TMEM33: variants seen among roughly 807,000 people sequenced by gnomAD.
TMEM33 encodes transmembrane protein 33.
In TMEM33, 16 loss-of-function variants were observed where a neutral mutation model predicts 29.7. The observed-to-expected ratio is 0.54, with a 90% CI of 0.36 to 0.82. The LOEUF is 0.82. Ranked by LOEUF, TMEM33 falls within the 40% of genes least tolerant of loss-of-function variation. TMEM33 has a pLI of 0.00. For synonymous variants in TMEM33, 112 were observed against 109.4 expected, an observed-to-expected ratio of 1.02 and a Z score of -0.15; for missense variants, 252 against 295.3, an observed-to-expected ratio of 0.85 and a Z score of 1.08.
At chr4:41,945,609 T>G (rs1450059202) in intron 5 of TMEM33, among the ~76,000 whole-genome samples, 4 of 152,196 alleles carry the variant, frequency 2.6e-5, no homozygotes, top group African/African-American at 9.6e-5. Flanking sequence ...TATACAAATT[T>G]GTAGAACATA....
intron 1 of TMEM33, among the ~76,000 whole-genome samples, chr4:41,935,962 G>A (rs535547495): frequency 1.3e-5 from 2 of 152,324 alleles, no homozygotes; most frequent in Non-Finnish European, 2.9e-5. Flanking sequence ...TTATGCAAAG[G>A]GAGGAGAGCG....
chr4:41,950,909 C>T (rs137859148), intron 6 of TMEM33, among the ~76,000 whole-genome samples: 3 of 152,230 alleles, frequency 2.0e-5, no homozygotes, highest in African/African-American at 7.2e-5. Context: ...GAAAGGATAG[C>T]AGTGAATCAA....
rs1173136084 is a variant in TMEM33, at chr4:41,935,478, A to G, written c.-7A>G. 2 of 1,608,010 alleles carry G rather than the reference A, an allele frequency of 1.2e-6. No homozygotes were observed. Among genetic ancestry groups the G allele is most frequent in the South Asian group, 2.2e-5 (2 of 89,882 alleles). Reference sequence around the variant, plus strand: ...TTGCGGCGTCGCAGACGCTAGTGTGAGCCCCCATGGCAGATACGACCCCGA... The same window carrying G: ...TTGCGGCGTCGCAGACGCTAGTGTGGGCCCCCATGGCAGATACGACCCCGA... On this transcript the variant is annotated 5_prime_UTR_variant, in exon 1 of 7. Transcript: ENST00000504986.
chr4:41,943,630 A>AT, intron 3 of TMEM33, 117 bp from the exon 4 acceptor site: 1 of 837,988 alleles, frequency 1.2e-6, no homozygotes, highest in South Asian at 1.7e-5. Flanking sequence ...AAAACAAGCC[A>AT]TTCCACTGAA....
At chr4:41,953,376 C>G (rs988280054) in intron 6 of TMEM33, among the ~76,000 whole-genome samples, 2 of 152,238 alleles carry the variant, frequency 1.3e-5, no homozygotes, top group Admixed American at 1.3e-4. Flanking sequence ...CTACTGTAGT[C>G]TGCTAAGTGC....
At chr4:41,945,046 A>T in intron 5 of TMEM33, 120 bp downstream of exon 5, 1 of 1,265,624 alleles carries the variant, frequency 7.9e-7, no homozygotes, top group Non-Finnish European at 1.1e-6. Flanking sequence ...AGCTAAATGA[A>T]TCTTAGCAGT....
chr4:41,940,046 C>CTTTTTTTTTTT (rs71650953), intron 3 of TMEM33, among the ~76,000 whole-genome samples: 28 of 81,362 alleles, frequency 3.4e-4, no homozygotes, highest in African/African-American at 1.5e-3. Context: ...GTTAAACTTT[C>CTTTTTTTTTTT]TTTTTTTTTT....
In TMEM33 at chr4:41,960,403, A is replaced by G. The variant is rs1352743345; in HGVS notation, c.*6204A>G. ...GGTGATTGAGGGAAATAATGTCTCT[A>G]CTTGTAATTTATTGTGACCCTTTTT... On this transcript the variant is annotated 3_prime_UTR_variant, in exon 7 of 7. Transcript: ENST00000504986. The G allele has an allele frequency of 6.6e-6, 1 of 152,112 alleles. No individual in the cohort carries two copies. Among genetic ancestry groups the G allele is most frequent in the Non-Finnish European group, 1.5e-5 (1 of 67,984 alleles). 9.4% of individuals were successfully genotyped at this position (152,112 alleles called of 1,614,324 possible).
In TMEM33 at chr4:41,946,202, C is replaced by T. The variant is rs542896552; in HGVS notation, c.530+1276C>T. Among the ~76,000 whole-genome samples, 23 of 151,380 alleles carry T rather than the reference C, an allele frequency of 1.5e-4. 1 individual carries two copies. The highest frequency in any genetic ancestry group is 4.8e-4 in the African/African-American group (20 of 41,252). On this transcript the variant is annotated intron_variant, in intron 5 of 6. Coordinates refer to ENST00000504986, the MANE Select transcript of TMEM33 (RefSeq NM_018126.3). The stretch of plus-strand genomic sequence containing the variant: ...TTTTTTACCTGCTTATACTTAATGC[C>T]AGTGTTTTCTTTAACATAGATACCA...
rs961806972 is a variant in TMEM33 at position 41,956,713 on chromosome 4, T to C, written c.*2514T>C. ...ATGTCATTTTAGCAGAATTATAATA[T>C]TTCTGATATACTCATGTTTGACAAG... On this transcript the variant is annotated 3_prime_UTR_variant, in exon 7 of 7. Transcript: ENST00000504986. 6.6e-6 allele frequency: 1 copy of C among 152,212 alleles called. No homozygotes were observed. The highest frequency in any genetic ancestry group is 1.5e-5 in the Non-Finnish European group (1 of 68,020). The allele number at this position is 152,212 out of a possible 1,614,324, so 9.4% of individuals were successfully genotyped here.
chr4:41,935,731 A>G (rs965047546), intron 1 of TMEM33, among the ~76,000 whole-genome samples: 2 of 152,178 alleles, frequency 1.3e-5, no homozygotes, highest in African/African-American at 2.4e-5. Flanking sequence ...TGAAGCGACA[A>G]TAGGCTGACC....
At chr4:41,948,190 A>G (rs992781414) in intron 5 of TMEM33, among the ~76,000 whole-genome samples, 2 of 152,138 alleles carry the variant, frequency 1.3e-5, no homozygotes, top group African/African-American at 4.8e-5. Context: ...TGTTAAACAG[A>G]TTTAGTGAAT....
At position 41,947,868 on chromosome 4, in the gene TMEM33, C is replaced by T. The variant is rs1314197748; in HGVS notation, c.531-1434C>T. On this transcript the variant is annotated intron_variant, in intron 5 of 6. Transcript: ENST00000504986. ...ATTGTCTGAGTTTATCTTACACATGCGTTGCACATGTGTGCAAAGACAGGT... is the reference window on the plus strand; with the variant it reads ...ATTGTCTGAGTTTATCTTACACATGTGTTGCACATGTGTGCAAAGACAGGT... Among the ~76,000 whole-genome samples, 4 of 152,164 alleles carry T rather than the reference C, an allele frequency of 2.6e-5. No individual in the cohort carries two copies. In the East Asian group the frequency reaches 5.8e-4, roughly 22 times the overall value.
At chr4:41,943,721 A>G (rs1377754277) in intron 3 of TMEM33, 26 bp from the exon 4 acceptor site, 1 of 1,606,500 alleles carries the variant, frequency 6.2e-7, no homozygotes, top group Non-Finnish European at 8.5e-7. Flanking sequence ...TGACTTTTAA[A>G]TGTTTTCCTT....
At chr4:41,948,363 T>A (rs112563515) in intron 5 of TMEM33, among the ~76,000 whole-genome samples, 4,320 of 152,222 alleles carry the variant, frequency 0.028, 100 homozygotes, top group African/African-American at 0.055. Context: ...TTTTCTATGT[T>A]GTGTCTCTTA....
At chr4:41,940,042 C>G (rs1166164611) in intron 3 of TMEM33, among the ~76,000 whole-genome samples, 1 of 67,916 alleles carries the variant, frequency 1.5e-5, no homozygotes, top group Admixed American at 1.5e-4. Flanking sequence ...CTAGGTTAAA[C>G]TTTCTTTTTT....
chr4:41,938,525 A>G (rs995005844), intron 1 of TMEM33, 77 bp from the exon 2 acceptor site: 170 of 1,369,454 alleles, frequency 1.2e-4, no homozygotes, highest in Non-Finnish European at 1.7e-4. Flanking sequence ...TTGAGTAGAC[A>G]TAAAAACCAC....
At chr4:41,938,181 TAAG>T (rs1467097462) in intron 1 of TMEM33, among the ~76,000 whole-genome samples, 1 of 152,254 alleles carries the variant, frequency 6.6e-6, no homozygotes, top group African/African-American at 2.4e-5. Flanking sequence ...GATTTTTTGC[TAAG>T]AATAGGCATA....
intron 5 of TMEM33, among the ~76,000 whole-genome samples, chr4:41,946,995 T>C (rs1712824668): frequency 6.6e-6 from 1 of 152,116 alleles, no homozygotes; most frequent in Non-Finnish European, 1.5e-5. Flanking sequence ...CCCAGCACTT[T>C]GGGAAGCCAA....
Sources: gnomAD v4.1 joint callset for allele counts (sites outside exome capture counted in the v4.1 genomes callset) on GRCh38, gnomAD v4.1.1 for gene constraint, MANE v1.5 for transcripts, NCBI Gene and HGNC (gene_info 2026-07-23, HGNC 2026-07-21) for gene names.